The following GPC6 variants were observed in gnomAD, a reference collection of about 807,000 sequenced individuals.
GPC6 encodes glypican 6.
In GPC6, 14 loss-of-function variants were observed where a neutral mutation model predicts 55.2. The observed-to-expected ratio is 0.25, with a 90% CI of 0.17 to 0.40. GPC6 has a LOEUF of 0.40. GPC6 is among the 10% of genes least tolerant of loss of function. GPC6 has a pLI of 1.00. For synonymous variants in GPC6, 278 were observed against 259.6 expected, an observed-to-expected ratio of 1.07 and a Z score of -0.68; for missense variants, 641 against 708.5, an observed-to-expected ratio of 0.90 and a Z score of 1.08.
At chr13:93,913,640 G>T (rs1238308730) in intron 3 of GPC6, among the ~76,000 whole-genome samples, 2 of 152,060 alleles carry the variant, frequency 1.3e-5, no homozygotes, top group African/African-American at 2.4e-5. Context: ...AAAATTTCAT[G>T]TGGGAATTAA....
At chr13:93,910,180 G>C (rs1439400536) in intron 3 of GPC6, among the ~76,000 whole-genome samples, 3 of 152,004 alleles carry the variant, frequency 2.0e-5, no homozygotes, top group Non-Finnish European at 4.4e-5. Context: ...GAAGGGACCT[G>C]GTGGGAGGTT....
intron 2 of GPC6, among the ~76,000 whole-genome samples, chr13:93,739,631 T>G (rs7330359): frequency 6.6e-6 from 1 of 151,912 alleles, no homozygotes; most frequent in Non-Finnish European, 1.5e-5. Flanking sequence ...GAGTTTCACC[T>G]TGTTAGCCAG....
intron 1 of GPC6, among the ~76,000 whole-genome samples, chr13:93,394,554 A>G (rs1228662976): frequency 6.6e-6 from 1 of 152,214 alleles, no homozygotes; most frequent in East Asian, 1.9e-4. Context: ...ATTCAAATGT[A>G]ATACAAACTT....
intron 1 of GPC6, among the ~76,000 whole-genome samples, chr13:93,471,289 C>T (rs1040007284): frequency 6.7e-6 from 1 of 148,536 alleles, no homozygotes; most frequent in Non-Finnish European, 1.5e-5. Flanking sequence ...CCAAGGCAGG[C>T]AGATCATGAG....
chr13:93,526,050 A>G (rs1226823244), intron 1 of GPC6, among the ~76,000 whole-genome samples: 2 of 152,036 alleles, frequency 1.3e-5, no homozygotes, highest in Non-Finnish European at 2.9e-5. Flanking sequence ...TCTTGCCATG[A>G]ATTATATCTT....
At chr13:93,257,824 T>C (rs1877006266) in intron 1 of GPC6, among the ~76,000 whole-genome samples, 2 of 152,216 alleles carry the variant, frequency 1.3e-5, no homozygotes, top group Admixed American at 6.5e-5. Flanking sequence ...AAGGAGAAAA[T>C]TAACTTTTTC....
At chr13:93,344,102 G>A (rs114864918) in intron 1 of GPC6, among the ~76,000 whole-genome samples, 2,538 of 152,238 alleles carry the variant, frequency 0.017, 76 homozygotes, top group African/African-American at 0.058. Context: ...AATCATTTCA[G>A]GGAAAAATGT....
intron 3 of GPC6, among the ~76,000 whole-genome samples, chr13:93,902,389 C>A (rs12428167): frequency 0.034 from 5,227 of 152,228 alleles, 267 homozygotes; most frequent in East Asian, 0.17. Context: ...GGATTTCATT[C>A]ATTTTTAATG....
intron 1 of GPC6, among the ~76,000 whole-genome samples, chr13:93,404,500 A>G (rs532277400): frequency 5.3e-4 from 81 of 152,316 alleles, no homozygotes; most frequent in Non-Finnish European, 9.4e-4. Context: ...ATATTAGAAT[A>G]TACTCATTTA....
At chr13:93,278,937 A>G (rs1240245736) in intron 1 of GPC6, among the ~76,000 whole-genome samples, 1 of 152,242 alleles carries the variant, frequency 6.6e-6, no homozygotes, top group African/African-American at 2.4e-5. Flanking sequence ...GGTATCCCAT[A>G]ACATCATGTT....
chr13:93,334,722 C>T (rs1472725498), intron 1 of GPC6, among the ~76,000 whole-genome samples: 1 of 152,206 alleles, frequency 6.6e-6, no homozygotes, highest in Non-Finnish European at 1.5e-5. Context: ...CTGCCTCAGC[C>T]TCCCAAAGTG....
At chr13:93,339,833 T>C (rs1006842554) in intron 1 of GPC6, among the ~76,000 whole-genome samples, 4 of 151,982 alleles carry the variant, frequency 2.6e-5, no homozygotes, top group Non-Finnish European at 4.4e-5. Flanking sequence ...ACTTATGAAG[T>C]TGGGAGTTTA....
At chr13:93,365,429 A>T (rs75888838) in intron 1 of GPC6, among the ~76,000 whole-genome samples, 2 of 152,040 alleles carry the variant, frequency 1.3e-5, no homozygotes, top group Non-Finnish European at 2.9e-5. Context: ...TGCCTTAACA[A>T]CAGCTCCATA....
intron 7 of GPC6, among the ~76,000 whole-genome samples, chr13:94,384,086 G>A (rs1880296944): frequency 6.6e-6 from 1 of 152,168 alleles, no homozygotes. Flanking sequence ...CATACCAATT[G>A]CTAATGACAT....
At chr13:93,536,227 T>A (rs1453333580) in intron 1 of GPC6, among the ~76,000 whole-genome samples, 1 of 152,198 alleles carries the variant, frequency 6.6e-6, no homozygotes, top group Non-Finnish European at 1.5e-5. Flanking sequence ...TTTTAAAAAT[T>A]GGTAAAATAT....
chr13:93,676,733 A>G (rs1237764119), intron 2 of GPC6, among the ~76,000 whole-genome samples: 2 of 152,130 alleles, frequency 1.3e-5, no homozygotes, highest in Non-Finnish European at 2.9e-5. Context: ...CCAAAAATCT[A>G]CCTGCTCTCT....
Position 93,477,899 on chromosome 13 carries a change from T to C in GPC6, c.161-67364T>C, listed in dbSNP as rs1879357481. On this transcript the variant is annotated intron_variant, in intron 1 of 8. Coordinates refer to ENST00000377047, the MANE Select transcript of GPC6 (RefSeq NM_005708.5). ...TATAAGAACAAATGTATGAAGGCTT[T>C]TAATCTTAACATAGTACCGTATATG... Among the ~76,000 whole-genome samples the C allele has an allele frequency of 4.6e-5, 7 of 152,326 alleles. No homozygotes were observed. In the South Asian group the frequency reaches 1.4e-3, roughly 32 times the overall value.
At chr13:94,094,506 A>G (rs1885598072) in intron 4 of GPC6, among the ~76,000 whole-genome samples, 1 of 152,186 alleles carries the variant, frequency 6.6e-6, no homozygotes, top group African/African-American at 2.4e-5. Flanking sequence ...AAAGATGCAG[A>G]CATGTCTTCC....
intron 3 of GPC6, among the ~76,000 whole-genome samples, chr13:94,003,153 G>A (rs1044505190): frequency 3.9e-5 from 6 of 152,130 alleles, no homozygotes; most frequent in East Asian, 1.9e-4. Flanking sequence ...AGGTAGGAGC[G>A]TGGCGTGTGC....
Sources: gnomAD v4.1 joint callset for allele counts (sites outside exome capture counted in the v4.1 genomes callset) on GRCh38, gnomAD v4.1.1 for gene constraint, MANE v1.5 for transcripts, NCBI Gene and HGNC (gene_info 2026-07-23, HGNC 2026-07-21) for gene names.